Variants in GRIP1 observed in about 807,000 individuals in gnomAD.
The protein encoded by GRIP1 is glutamate receptor-interacting protein 1.
In GRIP1, 45 loss-of-function variants were observed where a neutral mutation model predicts 129.9. The observed-to-expected ratio is 0.35, with a 90% CI of 0.27 to 0.44. GRIP1 has a LOEUF of 0.44. Among genes scored for constraint, GRIP1 ranks in the 20% least tolerant of loss-of-function variants. The pLI, the probability that GRIP1 is intolerant of heterozygous loss-of-function variation, is 1.00. For synonymous variants in GRIP1, 530 were observed against 520.8 expected, an observed-to-expected ratio of 1.02 and a Z score of -0.24; for missense variants, 1,196 against 1,396.8, an observed-to-expected ratio of 0.86 and a Z score of 2.29.
chr12:66,648,624 A>C (rs1185128129), intron 1 of GRIP1, among the ~76,000 whole-genome samples: 1 of 152,228 alleles, frequency 6.6e-6, no homozygotes, highest in Non-Finnish European at 1.5e-5. Flanking sequence ...AAATACAGTA[A>C]TGTATTCGAG....
intron 6 of GRIP1, among the ~76,000 whole-genome samples, chr12:66,516,854 AATC>A (rs1376593044): frequency 1.3e-5 from 2 of 152,130 alleles, no homozygotes; most frequent in Non-Finnish European, 2.9e-5. Flanking sequence ...AAAGTGAGCT[AATC>A]ATATGAGTTT....
chr12:67,004,560 T>C (rs371958026), intron 1 of GRIP1, among the ~76,000 whole-genome samples: 4 of 151,746 alleles, frequency 2.6e-5, no homozygotes. Context: ...AGCCTGGCCA[T>C]GGAAAGGAGG....
At chr12:66,800,562 C>T (rs537137806) in intron 1 of GRIP1, among the ~76,000 whole-genome samples, 77 of 152,140 alleles carry the variant, frequency 5.1e-4, no homozygotes, top group Non-Finnish European at 7.5e-4. Context: ...GAATATTATC[C>T]GGTGTGGCTA....
Position 66,348,529 on chromosome 12 carries a change from G to T in GRIP1, c.*490C>A. On this transcript the variant is annotated 3_prime_UTR_variant, in exon 25 of 25. Coordinates refer to ENST00000359742, the MANE Select transcript of GRIP1 (RefSeq NM_001366722.1). ...TTTATACCTGTACCCCTCCCATTGT[G>T]GTAGTCCCAGCAGTTTACCAAACAC... 1 of 173,546 alleles carries T rather than the reference G, an allele frequency of 5.8e-6. No individual in the cohort carries two copies. The highest frequency in any genetic ancestry group is 1.2e-5 in the Non-Finnish European group (1 of 80,348). The allele number at this position is 173,546 out of a possible 1,614,324, so 10.8% of individuals were successfully genotyped here.
chr12:67,036,087 T>C (rs2135793555), intron 1 of GRIP1, among the ~76,000 whole-genome samples: 1 of 152,338 alleles, frequency 6.6e-6, no homozygotes, highest in Middle Eastern at 3.4e-3. Context: ...TACAGTGGGA[T>C]GACATCAGGT....
intron 4 of GRIP1, among the ~76,000 whole-genome samples, chr12:66,534,534 A>G (rs2061552679): frequency 6.6e-6 from 1 of 152,114 alleles, no homozygotes; most frequent in African/African-American, 2.4e-5. Context: ...TATGGCTTAT[A>G]AGGCCATATT....
At chr12:66,820,192 C>T (rs1277196247) in intron 1 of GRIP1, among the ~76,000 whole-genome samples, 3 of 152,168 alleles carry the variant, frequency 2.0e-5, no homozygotes, top group Admixed American at 1.3e-4. Context: ...GGGCATATCA[C>T]GAGGTCAGGT....
chr12:66,516,220 C>G (rs976790117), intron 6 of GRIP1, among the ~76,000 whole-genome samples: 18 of 152,234 alleles, frequency 1.2e-4, no homozygotes, highest in African/African-American at 4.3e-4. Context: ...TCTCCCTTGT[C>G]TATAAATTTC....
chr12:66,847,650 T>G (rs1175521938), intron 1 of GRIP1, among the ~76,000 whole-genome samples: 4 of 152,122 alleles, frequency 2.6e-5, no homozygotes, highest in Non-Finnish European at 5.9e-5. Flanking sequence ...ATGTTAAAAT[T>G]TGATTGAGTC....
At position 66,954,870 on chromosome 12, in the gene GRIP1, G is replaced by C. The variant is rs150240089; in HGVS notation, c.58+114180C>G. On this transcript the variant is annotated intron_variant, in intron 1 of 1. Coordinates refer to the GRIP1 transcript ENST00000643019. ...GGGGGAGGCAGTGGGGGTGCAAGGA[G>C]GGGAGGAGAAAAGAAGATTGCAAGT... Among the ~76,000 whole-genome samples, 4 of 152,170 alleles carry C rather than the reference G, an allele frequency of 2.6e-5. No individual in the cohort carries two copies. In the East Asian group the frequency reaches 7.7e-4, roughly 29 times the overall value.
intron 1 of GRIP1, among the ~76,000 whole-genome samples, chr12:66,714,821 T>C (rs2035819860): frequency 6.6e-6 from 1 of 151,748 alleles, no homozygotes; most frequent in African/African-American, 2.4e-5. Context: ...TGATTCATCC[T>C]ATCTATCCAA....
intron 1 of GRIP1, among the ~76,000 whole-genome samples, chr12:66,715,724 A>T (rs1279325151): frequency 6.6e-6 from 1 of 152,054 alleles, no homozygotes; most frequent in Admixed American, 6.6e-5. Flanking sequence ...ATATGTAGTA[A>T]TTGGGAATAT....
At chr12:66,435,279 G>A (rs896015029) in intron 13 of GRIP1, among the ~76,000 whole-genome samples, 1 of 145,640 alleles carries the variant, frequency 6.9e-6, no homozygotes, top group African/African-American at 2.5e-5. Context: ...ACAGTTCACT[G>A]CAGCCTTGAC....
intron 1 of GRIP1, among the ~76,000 whole-genome samples, chr12:66,990,293 G>C (rs1042660277): frequency 1.3e-5 from 2 of 152,146 alleles, no homozygotes; most frequent in Non-Finnish European, 2.9e-5. Flanking sequence ...TTTGGTTCTT[G>C]TTTCAAATTC....
chr12:66,729,792 T>G (rs2036374221), intron 1 of GRIP1, among the ~76,000 whole-genome samples: 1 of 152,140 alleles, frequency 6.6e-6, no homozygotes, highest in African/African-American at 2.4e-5. Context: ...GCCAGCATGG[T>G]CTCGATCTCC....
intron 1 of GRIP1, among the ~76,000 whole-genome samples, chr12:66,704,537 T>C (rs2035463652): frequency 6.6e-6 from 1 of 152,094 alleles, no homozygotes; most frequent in African/African-American, 2.4e-5. Flanking sequence ...CTCTTTAGTA[T>C]CACAAGTAAT....
At position 66,352,005 on chromosome 12, in the gene GRIP1, T is replaced by C. The variant is rs982799399; in HGVS notation, c.3159+1412A>G. On this transcript the variant is annotated intron_variant, in intron 24 of 24. Coordinates refer to ENST00000359742, the MANE Select transcript of GRIP1 (RefSeq NM_001366722.1). ...AATGAGGCAGGTAAGGCCTAGGGATTAGAAGAGCATTCAGAGAAAGGAAAG... is the reference window on the plus strand; with the variant it reads ...AATGAGGCAGGTAAGGCCTAGGGATCAGAAGAGCATTCAGAGAAAGGAAAG... Among the ~76,000 whole-genome samples, 11 of 152,310 alleles carry C rather than the reference T, an allele frequency of 7.2e-5. 1 individual carries two copies. The highest frequency in any genetic ancestry group is 4.2e-4 in the South Asian group (2 of 4,818).
At chr12:66,953,358 T>TAG (rs1406741780) in intron 1 of GRIP1, among the ~76,000 whole-genome samples, 1 of 152,154 alleles carries the variant, frequency 6.6e-6, no homozygotes, top group African/African-American at 2.4e-5. Flanking sequence ...CATCATTCAT[T>TAG]CAGGACTTAA....
chr12:66,509,784 C>A (rs1467958090), intron 7 of GRIP1, among the ~76,000 whole-genome samples: 3 of 151,998 alleles, frequency 2.0e-5, no homozygotes, highest in Non-Finnish European at 4.4e-5. Context: ...ACAACACACA[C>A]TGGGGCCTGT....
Sources: gnomAD v4.1 joint callset for allele counts (sites outside exome capture counted in the v4.1 genomes callset) on GRCh38, gnomAD v4.1.1 for gene constraint, MANE v1.5 for transcripts, NCBI Gene and HGNC (gene_info 2026-07-23, HGNC 2026-07-21) for gene names.